CCDC30: variants seen among roughly 807,000 people sequenced by gnomAD.
CCDC30 encodes coiled-coil domain-containing protein 30.
CCDC30 carries 70 observed loss-of-function variants against 100.2 expected under a neutral mutation model. The observed-to-expected ratio is 0.70, with a 90% CI of 0.58 to 0.85. The LOEUF (loss-of-function observed/expected upper bound fraction) is 0.85. CCDC30 is among the 40% of genes least tolerant of loss of function. The pLI, the probability that CCDC30 is intolerant of heterozygous loss-of-function variation, is 0.00. For synonymous variants in CCDC30, 233 were observed against 269.5 expected (o/e 0.86, Z 1.33); for missense variants, 652 against 771.2 (o/e 0.85, Z 1.83).
At chr1:42,520,795 C>A (rs1429671208) in intron 6 of CCDC30, among the ~76,000 whole-genome samples, 1 of 150,752 alleles carries the variant, frequency 6.6e-6, no homozygotes, top group Non-Finnish European at 1.5e-5. Context: ...CACCTGCCAC[C>A]ACACCCAGCT....
At chr1:42,524,037 T>A (rs950785553) in intron 6 of CCDC30, among the ~76,000 whole-genome samples, 1 of 152,066 alleles carries the variant, frequency 6.6e-6, no homozygotes, top group Non-Finnish European at 1.5e-5. Context: ...TATAGTTTTT[T>A]AAAAGTCTTT....
At chr1:42,552,340 C>A (rs1047675932) in intron 6 of CCDC30, among the ~76,000 whole-genome samples, 1 of 152,098 alleles carries the variant, frequency 6.6e-6, no homozygotes, top group African/African-American at 2.4e-5. Flanking sequence ...GCTGTACAGG[C>A]ACATCTCATG....
intron 10 of CCDC30, among the ~76,000 whole-genome samples, chr1:42,605,290 C>G (rs372605008): frequency 1.3e-5 from 2 of 152,088 alleles, no homozygotes; most frequent in Admixed American, 6.6e-5. Context: ...TTTGGTAAAG[C>G]CTTGGTGAGG....
intron 13 of CCDC30, 142 bp from the exon 18 acceptor site, chr1:42,644,551 T>C (rs1265613697): frequency 5.0e-6 from 3 of 604,972 alleles, no homozygotes; most frequent in Non-Finnish European, 8.8e-6. Flanking sequence ...TGGAATATGG[T>C]GGGAATTATT....
At chr1:42,457,131 T>A in the CCDC30 span, 1 of 1,582,012 alleles carries the variant, frequency 6.3e-7, no homozygotes, top group East Asian at 2.2e-5. Context: ...TTCCAGCCAC[T>A]TATCCCCTTA....
intron 7 of CCDC30, 44 bp downstream of exon 11, chr1:42,566,519 C>A: frequency 6.6e-7 from 1 of 1,517,744 alleles, no homozygotes; most frequent in Non-Finnish European, 9.1e-7. Flanking sequence ...TTTCAGTTGG[C>A]CCTGGGAATA....
chr1:42,586,177 G>A (rs1646065398), intron 9 of CCDC30, among the ~76,000 whole-genome samples: 1 of 152,206 alleles, frequency 6.6e-6, no homozygotes, highest in Admixed American at 6.5e-5. Flanking sequence ...ACAATAGTAT[G>A]GAGGACCACT....
chr1:42,600,206 A>G (rs1012398954), intron 10 of CCDC30, among the ~76,000 whole-genome samples: 1 of 152,180 alleles, frequency 6.6e-6, no homozygotes, highest in Non-Finnish European at 1.5e-5. Context: ...AAAGAGGAAC[A>G]TTATTTAATG....
intron 6 of CCDC30, among the ~76,000 whole-genome samples, chr1:42,565,926 C>A (rs907427264): frequency 6.6e-6 from 1 of 151,964 alleles, no homozygotes; most frequent in Non-Finnish European, 1.5e-5. Context: ...GACACACACA[C>A]ACACACACAC....
chr1:42,538,321 C>G (rs1644947699), intron 6 of CCDC30, among the ~76,000 whole-genome samples: 1 of 150,410 alleles, frequency 6.6e-6, no homozygotes, highest in Admixed American at 6.6e-5. Flanking sequence ...CAGAGGGAGA[C>G]CCTGTCTCAA....
At chr1:42,528,873 A>G (rs1644765470) in intron 6 of CCDC30, among the ~76,000 whole-genome samples, 1 of 152,210 alleles carries the variant, frequency 6.6e-6, no homozygotes, top group Non-Finnish European at 1.5e-5. Flanking sequence ...TGGATAAATG[A>G]GCATCTGTTT....
chr1:42,464,887 G>A lies in CCDC30; in HGVS notation c.-92+989G>A, dbSNP rs535372879. On this transcript the variant is annotated intron_variant, in intron 1 of 16. Transcript: ENST00000668663. ...TCGTTTGTGATGTCTCATGCTTAGA[G>A]CCAGGTCAAGTTTTTAAATACTGAG... 2.0e-5 allele frequency among the ~76,000 whole-genome samples: 3 copies of A among 152,310 alleles called. No homozygotes were observed. The South Asian group carries it at 6.2e-4, about 32-fold the overall frequency.
intron 10 of CCDC30, among the ~76,000 whole-genome samples, chr1:42,606,428 C>T (rs1039720554): frequency 1.3e-5 from 2 of 152,186 alleles, no homozygotes; most frequent in African/African-American, 4.8e-5. Flanking sequence ...CAGGCATCTG[C>T]TACCACACCT....
chr1:42,653,022 C>T lies in CCDC30; in HGVS notation c.1855-354C>T, dbSNP rs1570363724. ...GAATTGAACCCGTTAAAAGGGAAAACTTTATAGTATGTGAATTACTTCTCA... is the reference window on the plus strand; with the variant it reads ...GAATTGAACCCGTTAAAAGGGAAAATTTTATAGTATGTGAATTACTTCTCA... On this transcript the variant is annotated intron_variant, in intron 15 of 16. Coordinates refer to ENST00000668663, the Ensembl canonical transcript of CCDC30. Among the ~76,000 whole-genome samples, 7 of 152,172 alleles carry T rather than the reference C, an allele frequency of 4.6e-5. No homozygotes were observed. In the Middle Eastern group the frequency reaches 0.02, roughly 444 times the overall value.
chr1:42,630,988 G>A (rs1238026951), intron 11 of CCDC30, among the ~76,000 whole-genome samples: 1 of 152,006 alleles, frequency 6.6e-6, no homozygotes, highest in Admixed American at 6.6e-5. Context: ...AGTTCATTTG[G>A]TGAGATCATG....
At chr1:42,602,526 T>G (rs1193544103) in intron 10 of CCDC30, among the ~76,000 whole-genome samples, 2 of 152,218 alleles carry the variant, frequency 1.3e-5, no homozygotes, top group Non-Finnish European at 2.9e-5. Context: ...AACAACTTTA[T>G]GCCCACAAAT....
chr1:42,569,204 T>C (rs6689363), intron 7 of CCDC30: 30,440 of 151,924 alleles, frequency 0.2, 3,367 homozygotes, highest in South Asian at 0.42. Flanking sequence ...ACCTACAGAA[T>C]GGGAGAAAAT....
intron 6 of CCDC30, among the ~76,000 whole-genome samples, chr1:42,529,185 G>A (rs912632705): frequency 3.9e-5 from 6 of 152,144 alleles, no homozygotes; most frequent in South Asian, 2.1e-4. Flanking sequence ...CTTTAAAACC[G>A]GAAAATGAGT....
intron 3 of CCDC30, 173 bp downstream of exon 3, chr1:42,482,989 C>A: frequency 4.7e-6 from 2 of 426,010 alleles, no homozygotes; most frequent in Non-Finnish European, 7.8e-6. Context: ...TGTCAAAGCC[C>A]AAGCATATCT....
Sources: gnomAD v4.1 joint callset for allele counts (sites outside exome capture counted in the v4.1 genomes callset) on GRCh38, gnomAD v4.1.1 for gene constraint, MANE v1.5 for transcripts, NCBI Gene and HGNC (gene_info 2026-07-23, HGNC 2026-07-21) for gene names.